Variants in RGS3 observed in about 807,000 individuals in gnomAD.
RGS3 encodes regulator of G-protein signalling 3.
Under a neutral mutation model 132.6 loss-of-function variants are expected in RGS3, and 80 were observed. The ratio of observed to expected loss-of-function variants is 0.60; its 90% CI spans 0.50 to 0.73. RGS3 has a LOEUF of 0.73. Ranked by LOEUF, RGS3 falls within the 30% of genes least tolerant of loss-of-function variation. The pLI is 0.00. For synonymous variants in RGS3, 598 were observed against 620.6 expected (o/e 0.96, Z 0.54); for missense variants, 1,382 against 1,530.8 (o/e 0.90, Z 1.62).
chr9:113,537,659 A>G lies in RGS3; in HGVS notation c.2037+741A>G, dbSNP rs1832736519. 6.6e-6 allele frequency among the ~76,000 whole-genome samples: 1 copy of G among 152,174 alleles called. No homozygotes were observed. Among genetic ancestry groups the G allele is most frequent in the African/African-American group, 2.4e-5 (1 of 41,444 alleles). On this transcript the variant is annotated intron_variant, in intron 19 of 24. Transcript: ENST00000350696. The surrounding 1 kb of genome is among the most constrained non-coding windows in gnomAD (Gnocchi z 4.3). ...GGGAATTGGGTCTGGTTGGCTGCAA[A>G]AGTTGCTGAGGTGGTTGCTCTGCTG... is the stretch of plus-strand genomic sequence containing the variant.
intron 4 of RGS3, among the ~76,000 whole-genome samples, chr9:113,482,620 G>A (rs181758458): frequency 1.6e-4 from 25 of 152,294 alleles, no homozygotes; most frequent in Admixed American, 1.2e-3. Flanking sequence ...GCACTGAGCC[G>A]GGAGTCAAGA....
intron 1 of RGS3, among the ~76,000 whole-genome samples, chr9:113,448,314 C>T (rs112028946): frequency 0.04 from 6,095 of 152,244 alleles, 165 homozygotes; most frequent in South Asian, 0.1. Flanking sequence ...TATGACCTGG[C>T]TTCTCTCCCC....
chr9:113,480,276 C>A (rs1308432130), intron 4 of RGS3, among the ~76,000 whole-genome samples: 1 of 151,812 alleles, frequency 6.6e-6, no homozygotes, highest in Non-Finnish European at 1.5e-5. Flanking sequence ...GGCCAACATA[C>A]TGAAACCCCG....
intron 10 of RGS3, among the ~76,000 whole-genome samples, chr9:113,500,690 T>A (rs1294645665): frequency 1.3e-5 from 2 of 149,540 alleles, no homozygotes; most frequent in African/African-American, 4.9e-5. Context: ...AAATTGACTT[T>A]TTTTTTTTTT....
At chr9:113,577,514 A>G (rs1193739251) in intron 19 of RGS3, among the ~76,000 whole-genome samples, 1 of 152,066 alleles carries the variant, frequency 6.6e-6, no homozygotes, top group Non-Finnish European at 1.5e-5. Context: ...TGATACAGGG[A>G]CCATTAGAGG....
intron 24 of RGS3, among the ~76,000 whole-genome samples, chr9:113,596,152 G>A (rs979735163): frequency 4.6e-5 from 7 of 152,202 alleles, no homozygotes; most frequent in African/African-American, 1.7e-4. Context: ...CTGGCCAACA[G>A]GGCGAAACCC....
intron 10 of RGS3, chr9:113,501,300 G>C: frequency 1.2e-6 from 1 of 803,734 alleles, no homozygotes; most frequent in Non-Finnish European, 1.8e-6. Context: ...CCCTCTCCCC[G>C]CCGGGCCCGG....
At chr9:113,595,876 A>G in intron 24 of RGS3, 111 bp downstream of exon 22, 1 of 1,173,832 alleles carries the variant, frequency 8.5e-7, no homozygotes, top group Non-Finnish European at 1.2e-6. Flanking sequence ...GAATGACTCC[A>G]TGAGCCCAGG....
intron 19 of RGS3, among the ~76,000 whole-genome samples, chr9:113,572,532 C>T (rs1834336272): frequency 6.6e-6 from 1 of 152,116 alleles, no homozygotes; most frequent in African/African-American, 2.4e-5. Context: ...TGGATGGGCA[C>T]CCCACCACCA....
At chr9:113,596,668 G>A in intron 24 of RGS3, 100 bp from the exon 23 acceptor site, 1 of 983,306 alleles carries the variant, frequency 1.0e-6, no homozygotes, top group Non-Finnish European at 1.5e-6. Flanking sequence ...GGGCAAAGGG[G>A]CTTGGAGGTG....
In RGS3 at chr9:113,528,195, C is replaced by T. The variant is rs796877275; in HGVS notation, c.1871-1026C>T. On this transcript the variant is annotated intron_variant, in intron 17 of 24. Coordinates refer to ENST00000350696, the Ensembl canonical transcript of RGS3. The stretch of plus-strand genomic sequence containing the variant: ...GGCCCTTTAAGCATTTACTGTTTTA[C>T]GTGCTGCGTGGTTGCTTCCCTCAAC... Among the ~76,000 whole-genome samples the T allele has an allele frequency of 5.3e-5, 8 of 152,312 alleles. No individual in the cohort carries two copies. In the South Asian group the frequency reaches 8.3e-4, roughly 16 times the overall value.
intron 7 of RGS3, among the ~76,000 whole-genome samples, chr9:113,489,790 A>T (rs1242871437): frequency 6.6e-6 from 1 of 151,578 alleles, no homozygotes; most frequent in Non-Finnish European, 1.5e-5. Context: ...TCAGCCTCCT[A>T]AAGTGCTAGG....
intron 19 of RGS3, among the ~76,000 whole-genome samples, chr9:113,563,116 C>T (rs1241231195): frequency 2.6e-5 from 4 of 152,370 alleles, no homozygotes; most frequent in East Asian, 1.9e-4. Context: ...TCTACCCTTT[C>T]CTCACCATGC....
intron 18 of RGS3, among the ~76,000 whole-genome samples, chr9:113,529,673 A>T (rs1180282622): frequency 6.6e-6 from 1 of 152,018 alleles, no homozygotes; most frequent in Non-Finnish European, 1.5e-5. Context: ...ACCACCAACG[A>T]CCCCTTGTAC....
At chr9:113,572,849 C>T (rs1834348193) in intron 19 of RGS3, among the ~76,000 whole-genome samples, 1 of 152,242 alleles carries the variant, frequency 6.6e-6, no homozygotes, top group South Asian at 2.1e-4. Flanking sequence ...GACTCATCTG[C>T]CTTCTCAGCT....
chr9:113,449,271 G>A (rs902288907), intron 1 of RGS3, among the ~76,000 whole-genome samples: 3 of 152,160 alleles, frequency 2.0e-5, no homozygotes, highest in African/African-American at 7.2e-5. Flanking sequence ...AGGATACTAT[G>A]CAAAGGAAGA....
rs748630617 is a variant in RGS3 at position 113,517,562 on chromosome 9, G to T, written c.1696G>T (p.Ala566Ser). 2.5e-6 allele frequency: 4 copies of T among 1,613,370 alleles called. No individual in the cohort carries two copies. In the South Asian group the frequency reaches 4.4e-5, roughly 18 times the overall value. ...CCAGCCTCTAGATCTCTGTAATCCT[G>T]CCCGGACCCTCCTGCTGTCAGAGGA... Residue 566 changes from alanine (A) to serine (S), a missense_variant, in exon 16 of 25, where the codon GCC (alanine) becomes TCC (serine). Physicochemically the swap from Ala to Ser is moderately conservative, Grantham distance 99. Transcript: ENST00000350696.
intron 19 of RGS3, among the ~76,000 whole-genome samples, chr9:113,539,155 C>T (rs1832799544): frequency 6.6e-6 from 1 of 152,236 alleles, no homozygotes; most frequent in Non-Finnish European, 1.5e-5. Context: ...GCATTGTCCA[C>T]TTGCGCTCAG....
chr9:113,463,597 C>A lies in RGS3; in HGVS notation c.415+1396C>A. The stretch of plus-strand genomic sequence containing the variant: ...GTCGGCGGCGCCGCCTCCCCCACCC[C>A]GGCCCAGCTCTGCTCCGGCAGGTGG... On this transcript the variant is annotated intron_variant, in intron 3 of 24. Coordinates refer to ENST00000350696, the Ensembl canonical transcript of RGS3. This position sits in a 1 kb window ranked among gnomAD's most constrained non-coding sequence, Gnocchi z 4.6. The A allele has an allele frequency of 9.6e-7, 1 of 1,042,612 alleles. No individual in the cohort carries two copies. The highest frequency in any genetic ancestry group is 1.3e-6 in the Non-Finnish European group (1 of 791,358). The allele number at this position is 1,042,612 out of a possible 1,614,324, so 64.6% of individuals were successfully genotyped here.
Sources: allele counts gnomAD v4.1 joint callset (sites outside exome capture counted in the v4.1 genomes callset), GRCh38; gene constraint gnomAD v4.1.1; non-coding constraint Gnocchi (gnomAD v3.1); transcripts MANE v1.5; gene names NCBI Gene and HGNC (gene_info 2026-07-23, HGNC 2026-07-21).